ADAM17: variants seen among roughly 807,000 people sequenced by gnomAD.
ADAM17 encodes disintegrin and metalloproteinase domain-containing protein 17.
Under a neutral mutation model 96.7 loss-of-function variants are expected in ADAM17, and 39 were observed. The observed-to-expected ratio is 0.40, with a 90% confidence interval of 0.31 to 0.53. ADAM17 has a LOEUF of 0.53. Ranked by LOEUF, ADAM17 falls within the 20% of genes least tolerant of loss-of-function variation. The pLI is 0.44. For synonymous variants in ADAM17, 344 were observed against 359.2 expected (o/e 0.96, Z 0.48); for missense variants, 777 against 1,013.2 (o/e 0.77, Z 3.17).
intron 2 of ADAM17, among the ~76,000 whole-genome samples, chr2:9,542,722 A>T (rs1665256996): frequency 6.6e-6 from 1 of 152,158 alleles, no homozygotes; most frequent in South Asian, 2.1e-4. Flanking sequence ...TTTTTGAGAC[A>T]GAGTCTCACT....
chr2:9,500,038 A>C (rs1046891917), intron 13 of ADAM17, among the ~76,000 whole-genome samples: 2 of 152,268 alleles, frequency 1.3e-5, no homozygotes, highest in Non-Finnish European at 2.9e-5. Context: ...CACATGACCC[A>C]GAAATTCTAT....
intron 6 of ADAM17, among the ~76,000 whole-genome samples, chr2:9,524,888 T>C (rs1005266193): frequency 1.3e-4 from 20 of 152,206 alleles, no homozygotes; most frequent in African/African-American, 4.1e-4. Flanking sequence ...TATTCTACTG[T>C]TCAAAAACTG....
intron 4 of ADAM17, among the ~76,000 whole-genome samples, chr2:9,532,298 A>G (rs1664778194): frequency 6.6e-6 from 1 of 152,158 alleles, no homozygotes; most frequent in Non-Finnish European, 1.5e-5. Flanking sequence ...TACATCTCAT[A>G]TGTGTGTGTG....
intron 15 of ADAM17, 107 bp from the exon 16 acceptor site, chr2:9,493,932 A>G: frequency 1.1e-6 from 1 of 897,098 alleles, no homozygotes; most frequent in Non-Finnish European, 1.7e-6. Context: ...ATTAAAATCA[A>G]ACGTTTTCCC....
chr2:9,507,820 C>G (rs1390424854), intron 11 of ADAM17, among the ~76,000 whole-genome samples: 1 of 152,144 alleles, frequency 6.6e-6, no homozygotes, highest in South Asian at 2.1e-4. Flanking sequence ...CCCCGGGTTC[C>G]TCCTACCTTA....
intron 10 of ADAM17, among the ~76,000 whole-genome samples, chr2:9,516,752 CA>C (rs1015305436): frequency 1.3e-5 from 2 of 151,298 alleles, no homozygotes; most frequent in South Asian, 4.2e-4. Context: ...GACTCTGTCT[CA>C]AAAAAAATAA....
rs778078194 is a variant in ADAM17, at chr2:9,492,983, T to C, written c.1997A>G (p.Lys666Arg). 3.1e-6 allele frequency: 5 copies of C among 1,609,400 alleles called. No homozygotes were observed. The highest frequency in any genetic ancestry group is 4.2e-6 in the Non-Finnish European group (5 of 1,177,698). Residue 666 changes from lysine (K) to arginine (R), a missense_variant, in exon 17 of 19, where the codon AAG becomes AGG. Physicochemically the swap from Lys to Arg is conservative, Grantham distance 26 (BLOSUM62 2). Around this residue, in one of 3 missense-constraint regions of ADAM17, gnomAD observed 197 missense variants for 219.4 expected, o/e 0.90. Transcript: ENST00000310823. ...IDQLSINTFG[K>R]FLADNIVGSV... Reference sequence around the variant, plus strand: ...CCCAACGATGTTGTCTGCTAAAAACTTTCCTGTGAACAATTCCAAACAGTT... The same window carrying C: ...CCCAACGATGTTGTCTGCTAAAAACCTTCCTGTGAACAATTCCAAACAGTT...
At chr2:9,514,218 T>TG (rs1395077008) in intron 10 of ADAM17, among the ~76,000 whole-genome samples, 3 of 151,364 alleles carry the variant, frequency 2.0e-5, no homozygotes, top group Non-Finnish European at 4.4e-5. Flanking sequence ...GGGACATGGA[T>TG]GAAGCTGGAA....
At chr2:9,529,942 T>A (rs1002439720) in intron 4 of ADAM17, among the ~76,000 whole-genome samples, 3 of 151,572 alleles carry the variant, frequency 2.0e-5, no homozygotes, top group Non-Finnish European at 4.4e-5. Context: ...CCAGCCTGGG[T>A]GACAGAGTGA....
chr2:9,522,339 T>A (rs1664349655), intron 7 of ADAM17: 1 of 528,338 alleles, frequency 1.9e-6, no homozygotes, highest in Admixed American at 3.0e-5. Flanking sequence ...GTGACATGAA[T>A]GTCTTTGGGG....
chr2:9,520,423 A>C (rs1388170590), intron 8 of ADAM17, among the ~76,000 whole-genome samples: 1 of 152,166 alleles, frequency 6.6e-6, no homozygotes, highest in African/African-American at 2.4e-5. Context: ...AAAAACACAA[A>C]AATTTTAAAT....
chr2:9,498,490 C>T (rs752148171), intron 13 of ADAM17, among the ~76,000 whole-genome samples: 12 of 152,220 alleles, frequency 7.9e-5, no homozygotes, highest in Non-Finnish European at 1.5e-4. Context: ...GACTATATAT[C>T]CACAGCTCTG....
chr2:9,552,507 G>C (rs1286422154), intron 1 of ADAM17, among the ~76,000 whole-genome samples: 2 of 152,190 alleles, frequency 1.3e-5, no homozygotes, highest in Non-Finnish European at 2.9e-5. Flanking sequence ...AAAATACTGA[G>C]TAAAATGGTG....
intron 13 of ADAM17, among the ~76,000 whole-genome samples, chr2:9,501,104 TCA>T (rs1662973743): frequency 6.6e-6 from 1 of 152,032 alleles, no homozygotes; most frequent in Admixed American, 6.6e-5. Flanking sequence ...TCCTCCAAAT[TCA>T]CAGTAGTGAA....
chr2:9,539,393 G>A (rs893129782), intron 2 of ADAM17, among the ~76,000 whole-genome samples: 2 of 152,122 alleles, frequency 1.3e-5, no homozygotes, highest in African/African-American at 4.8e-5. Context: ...GGGATTACAT[G>A]TGTGAGTCAC....
At chr2:9,521,368 G>T in intron 7 of ADAM17, 52 bp from the exon 8 acceptor site, 1 of 1,275,236 alleles carries the variant, frequency 7.8e-7, no homozygotes, top group Non-Finnish European at 1.1e-6. Flanking sequence ...AAGTCAGAAG[G>T]CTCTGAATAC....
intron 1 of ADAM17, among the ~76,000 whole-genome samples, chr2:9,553,998 G>T (rs909499756): frequency 6.6e-5 from 10 of 152,134 alleles, no homozygotes; most frequent in African/African-American, 2.4e-4. Context: ...GGGAGGCGGA[G>T]GTTGCAGTGA....
At chr2:9,531,908 GCA>G (rs1465869623) in intron 4 of ADAM17, among the ~76,000 whole-genome samples, 1 of 152,118 alleles carries the variant, frequency 6.6e-6, no homozygotes, top group Non-Finnish European at 1.5e-5. Flanking sequence ...ATCAGCCTGG[GCA>G]ACACAGTGAG....
Position 9,501,262 on chromosome 2 carries a change from G to T in ADAM17, c.1648+911C>A, listed in dbSNP as rs371039021. Among the ~76,000 whole-genome samples, 5 of 152,132 alleles carry T rather than the reference G, an allele frequency of 3.3e-5. No individual in the cohort carries two copies. The East Asian group carries it at 5.8e-4, about 18-fold the overall frequency. On this transcript the variant is annotated intron_variant, in intron 13 of 18. Coordinates refer to ENST00000310823, the MANE Select transcript of ADAM17 (RefSeq NM_003183.6). ...AGGACAAGGGCTGTTAAAAAAAAAA[G>T]TAAGAACAAGAGATTACTTTATACT...
Sources: gnomAD v4.1 joint callset for allele counts (sites outside exome capture counted in the v4.1 genomes callset) on GRCh38, gnomAD v4.1.1 for gene constraint, gnomAD v4.1.1 regional missense constraint, MANE v1.5 for transcripts, NCBI Gene and HGNC (gene_info 2026-07-23, HGNC 2026-07-21) for gene names.